BACH2: variants seen among roughly 807,000 people sequenced by gnomAD.
BACH2 encodes transcription regulator protein BACH2.
Under a neutral mutation model 61.8 loss-of-function variants are expected in BACH2, and 5 were observed. That is an observed-to-expected ratio of 0.08 (90% confidence interval 0.04 to 0.17). BACH2 has a LOEUF of 0.17. Among genes scored for constraint, BACH2 ranks in the 10% least tolerant of loss-of-function variants. The pLI, the probability that BACH2 is intolerant of heterozygous loss-of-function variation, is 1.00. For synonymous variants in BACH2, 446 were observed against 440.1 expected (o/e 1.01, Z -0.17); for missense variants, 824 against 1,091.1 (o/e 0.76, Z 3.45).
At position 89,951,758 on chromosome 6, in the gene BACH2, C is replaced by G; in HGVS notation, c.348G>C (p.Leu116=). Residue 116 remains leucine (L), a synonymous_variant, in exon 7 of 9, where the codon CTG becomes CTC. Coordinates refer to ENST00000257749, the MANE Select transcript of BACH2 (RefSeq NM_021813.4). The surrounding 1 kb of genome is among the most constrained non-coding windows in gnomAD (Gnocchi z 6.4). ...IREVIRCAEF[L]RMHNLEDSCF... is the part of the protein sequence containing the mutation. ...AGGAGTCCTCCAGGTTGTGCATGCG[C>G]AGGAACTCAGCACAGCGGATGACCT... The G allele has an allele frequency of 6.2e-7, 1 of 1,614,244 alleles. No individual in the cohort carries two copies. Among genetic ancestry groups the G allele is most frequent in the Non-Finnish European group, 8.5e-7 (1 of 1,180,040 alleles).
At chr6:90,106,485 C>T (rs1219842159) in intron 4 of BACH2, among the ~76,000 whole-genome samples, 1 of 152,136 alleles carries the variant, frequency 6.6e-6, no homozygotes, top group Non-Finnish European at 1.5e-5. Flanking sequence ...GGTTTGTGGC[C>T]TAGGAGCAGT....
chr6:90,158,818 G>C (rs1478950010), intron 4 of BACH2, among the ~76,000 whole-genome samples: 4 of 151,968 alleles, frequency 2.6e-5, no homozygotes, highest in South Asian at 2.1e-4. Flanking sequence ...CTATTCAAGG[G>C]AAAGTGCCAC....
At chr6:90,050,550 A>G (rs568529188) in intron 5 of BACH2, among the ~76,000 whole-genome samples, 1 of 152,340 alleles carries the variant, frequency 6.6e-6, no homozygotes, top group African/African-American at 2.4e-5. Flanking sequence ...TATGCTGGAC[A>G]TTAAAGGTAT....
intron 4 of BACH2, among the ~76,000 whole-genome samples, chr6:90,182,691 T>C (rs1402637378): frequency 1.3e-5 from 2 of 152,202 alleles, no homozygotes; most frequent in Non-Finnish European, 2.9e-5. Flanking sequence ...ATAGGTCCAA[T>C]ACTGAGGCAA....
intron 2 of BACH2, among the ~76,000 whole-genome samples, chr6:90,270,747 C>G (rs1004836771): frequency 6.6e-6 from 1 of 151,710 alleles, no homozygotes; most frequent in Non-Finnish European, 1.5e-5. Flanking sequence ...CACAAGGAAC[C>G]AAAAAAAGGT....
In BACH2 at chr6:90,114,352, T is replaced by G. The variant is rs148126619; in HGVS notation, c.-161-25243A>C. Among the ~76,000 whole-genome samples, 822 of 152,196 alleles carry G rather than the reference T, an allele frequency of 5.4e-3. 11 individuals carry two copies. The highest frequency in any genetic ancestry group is 0.019 in the African/African-American group (779 of 41,518). On this transcript the variant is annotated intron_variant, in intron 4 of 8. Transcript: ENST00000257749. ...TAGGCTTCATCCCTCGGATGCAGGG[T>G]TGGTTCAACATACAAAAATCAATAC...
chr6:90,127,883 G>A (rs1422355366), intron 4 of BACH2, among the ~76,000 whole-genome samples: 1 of 152,206 alleles, frequency 6.6e-6, no homozygotes, highest in Non-Finnish European at 1.5e-5. Flanking sequence ...GCAATTGGAA[G>A]TAGCCACATG....
chr6:90,291,930 T>G (rs149592326), intron 1 of BACH2, among the ~76,000 whole-genome samples: 139 of 152,326 alleles, frequency 9.1e-4, no homozygotes, highest in African/African-American at 3.2e-3. Flanking sequence ...GACAGGGTCA[T>G]ATGTCGCTGA....
At chr6:90,066,161 G>T (rs1451197770) in intron 5 of BACH2, among the ~76,000 whole-genome samples, 2 of 152,192 alleles carry the variant, frequency 1.3e-5, no homozygotes, top group Admixed American at 6.5e-5. Flanking sequence ...GCCAGGCTCA[G>T]TATGTACTTA....
intron 6 of BACH2, among the ~76,000 whole-genome samples, chr6:89,981,765 A>G (rs1691369161): frequency 6.6e-6 from 1 of 152,206 alleles, no homozygotes; most frequent in African/African-American, 2.4e-5. Context: ...ACACACAGGC[A>G]AAGCTTTGAG....
At chr6:89,957,730 G>A (rs999646907) in intron 6 of BACH2, among the ~76,000 whole-genome samples, 3 of 151,890 alleles carry the variant, frequency 2.0e-5, no homozygotes, top group Non-Finnish European at 2.9e-5. Flanking sequence ...TAGTAGAGAC[G>A]GGGTTTCACT....
chr6:90,269,750 A>G (rs906622198), intron 2 of BACH2, among the ~76,000 whole-genome samples: 2 of 152,256 alleles, frequency 1.3e-5, no homozygotes, highest in African/African-American at 4.8e-5. Flanking sequence ...GATTCCTTAT[A>G]ACAATCAGTG....
intron 4 of BACH2, among the ~76,000 whole-genome samples, chr6:90,130,745 C>T (rs1254294557): frequency 1.3e-5 from 2 of 152,210 alleles, no homozygotes; most frequent in African/African-American, 4.8e-5. Flanking sequence ...GGCCATACTG[C>T]AGATGCAGAG....
chr6:90,136,466 C>T (rs1178067004), intron 4 of BACH2, among the ~76,000 whole-genome samples: 1 of 152,156 alleles, frequency 6.6e-6, no homozygotes, highest in Non-Finnish European at 1.5e-5. Flanking sequence ...ATTATTACCT[C>T]ATATGTTTAT....
chr6:90,237,202 C>T (rs1770288541), intron 3 of BACH2, among the ~76,000 whole-genome samples: 3 of 152,294 alleles, frequency 2.0e-5, no homozygotes, highest in South Asian at 2.1e-4. Context: ...GGATTACAGG[C>T]GTGAGCCACT....
intron 1 of BACH2, among the ~76,000 whole-genome samples, chr6:90,275,440 T>A (rs1771659244): frequency 6.6e-6 from 1 of 152,158 alleles, no homozygotes. Context: ...TAACCAAAAT[T>A]TGTTTTTACT....
At chr6:90,057,162 C>CA (rs1465143965) in intron 5 of BACH2, among the ~76,000 whole-genome samples, 1 of 151,984 alleles carries the variant, frequency 6.6e-6, no homozygotes, top group African/African-American at 2.4e-5. Flanking sequence ...AAAAACCCTT[C>CA]AAAAAATGAA....
At chr6:90,048,406 T>C (rs1294895595) in intron 5 of BACH2, among the ~76,000 whole-genome samples, 3 of 152,222 alleles carry the variant, frequency 2.0e-5, no homozygotes, top group Non-Finnish European at 2.9e-5. Flanking sequence ...TAAGCCTTCA[T>C]GCTGCCATGG....
Position 89,933,317 on chromosome 6 carries a change from G to A in BACH2, c.2044-427C>T, listed in dbSNP as rs532639784. ...AAGGCAAAAATCTACCATTCCAACCGTATGACATTTCGAAAAAAGCAAAAC... is the reference window on the plus strand; with the variant it reads ...AAGGCAAAAATCTACCATTCCAACCATATGACATTTCGAAAAAAGCAAAAC... On this transcript the variant is annotated intron_variant, in intron 8 of 8. Transcript: ENST00000257749. Among the ~76,000 whole-genome samples the A allele has an allele frequency of 1.3e-3, 201 of 152,152 alleles. 2 individuals are homozygous for A. Among genetic ancestry groups the A allele is most frequent in the Admixed American group, 9.2e-4 (14 of 15,286 alleles).
Sources: gnomAD v4.1 joint callset for allele counts (sites outside exome capture counted in the v4.1 genomes callset) on GRCh38, gnomAD v4.1.1 for gene constraint, Gnocchi (gnomAD v3.1) non-coding constraint, MANE v1.5 for transcripts, NCBI Gene and HGNC (gene_info 2026-07-23, HGNC 2026-07-21) for gene names.